The following TACC2 variants were observed in gnomAD, a reference collection of about 807,000 sequenced individuals.
The protein encoded by TACC2 is transforming acidic coiled-coil containing protein 2.
A neutral mutation model predicts 227.3 loss-of-function variants in TACC2; 137 were observed. The observed-to-expected ratio is 0.60, with a 90% CI of 0.52 to 0.69. The LOEUF is 0.69. Among genes scored for constraint, TACC2 ranks in the 30% least tolerant of loss-of-function variants. The probability of loss-of-function intolerance (pLI) is 0.00; values close to 1 mark genes in which losing one functional copy is unlikely to be tolerated. For missense variants in TACC2, 3,470 were observed against 3,694.4 expected, an observed-to-expected ratio of 0.94 and a Z score of 1.57; for synonymous variants, 1,523 against 1,487.5, an observed-to-expected ratio of 1.02 and a Z score of -0.55.
At chr10:122,077,114 CAAAA>C (rs973879242) in intron 3 of TACC2, among the ~76,000 whole-genome samples, 1 of 67,036 alleles carries the variant, frequency 1.5e-5, no homozygotes. Context: ...GACTCTGTCT[CAAAA>C]AAAAAAAAAA....
Position 122,229,427 on chromosome 10 carries a change from GA to G in TACC2, c.7979del (p.Asp2660AlafsTer7), listed in dbSNP as rs751739873. On this transcript the variant is annotated frameshift_variant, in exon 15 of 23. Coordinates refer to ENST00000369005, the MANE Select transcript of TACC2 (RefSeq NM_206862.4). LOFTEE classifies it high-confidence loss of function. ...AHPVSLCGALDYLEPDLAEKN... is the reference protein window; with the variant it reads ...AHPVSLCGALXYLEPDLAEKN... Reference sequence around the variant, plus strand: ...CCCCGTCTCTCTCTGTGGTGCACTTGACTATCTGGAGCCCGACTTAGCAGAA... The same window carrying G: ...CCCCGTCTCTCTCTGTGGTGCACTTGCTATCTGGAGCCCGACTTAGCAGAA... The G allele has an allele frequency of 6.2e-7, 1 of 1,613,964 alleles. No individual in the cohort carries two copies. Among genetic ancestry groups the G allele is most frequent in the Non-Finnish European group, 8.5e-7 (1 of 1,180,018 alleles).
chr10:122,044,571 G>C (rs1006347372), intron 2 of TACC2, among the ~76,000 whole-genome samples: 5 of 152,178 alleles, frequency 3.3e-5, no homozygotes, highest in African/African-American at 1.2e-4. Flanking sequence ...GACTTAGGCA[G>C]ACACTCTGGT....
At chr10:122,088,837 C>T in intron 5 of TACC2, 1 of 1,300,274 alleles carries the variant, frequency 7.7e-7, no homozygotes, top group Non-Finnish European at 1.0e-6. Flanking sequence ...TTTAAAAAGT[C>T]AGTCTGGGTG....
At chr10:122,163,461 AGAGG>A (rs2092947850) in intron 7 of TACC2, 2 of 593,732 alleles carry the variant, frequency 3.4e-6, no homozygotes, top group African/African-American at 4.0e-5. Flanking sequence ...GGGCCGGGGC[AGAGG>A]GAGGGTCTTC....
rs772211415 is a variant in TACC2, at chr10:122,084,163, G to A, written c.1663G>A (p.Val555Ile). Reference sequence around the variant, plus strand: ...ACCGGGGCCAACGGATGGAGCCAAGGTCCATGAAGATTCCACAAGCCCAGC... The same window carrying A: ...ACCGGGGCCAACGGATGGAGCCAAGATCCATGAAGATTCCACAAGCCCAGC... ...GPPGPTDGAK[V>I]HEDSTSPAVA... is the part of the protein sequence containing the mutation. Residue 555 changes from valine (V) to isoleucine (I), a missense_variant, in exon 4 of 23, where the codon GTC (valine) becomes ATC (isoleucine). Around this residue, in one of 10 missense-constraint regions of TACC2, gnomAD observed 1,924 missense variants for 1,978.3 expected, o/e 0.97. Coordinates refer to ENST00000369005, the MANE Select transcript of TACC2 (RefSeq NM_206862.4). The A allele has an allele frequency of 3.7e-6, 6 of 1,614,070 alleles. No individual in the cohort carries two copies. In the South Asian group the frequency reaches 6.6e-5, roughly 18 times the overall value.
At chr10:122,252,138 G>T (rs1211837533) in intron 22 of TACC2, among the ~76,000 whole-genome samples, 2 of 152,152 alleles carry the variant, frequency 1.3e-5, no homozygotes, top group Non-Finnish European at 2.9e-5. Context: ...CTTTCTAACG[G>T]GTCTGCTGAT....
intron 7 of TACC2, among the ~76,000 whole-genome samples, chr10:122,166,395 A>T (rs553819490): frequency 1.3e-5 from 2 of 152,096 alleles, no homozygotes; most frequent in Non-Finnish European, 2.9e-5. Context: ...GCTTCATTCT[A>T]TGCAGGAGTG....
intron 7 of TACC2, among the ~76,000 whole-genome samples, chr10:122,161,529 A>G (rs2092812670): frequency 6.6e-6 from 1 of 152,270 alleles, no homozygotes; most frequent in African/African-American, 2.4e-5. Context: ...AAGGTTCAGT[A>G]TGGTTAAACA....
At chr10:122,171,813 T>C (rs968266715) in intron 7 of TACC2, among the ~76,000 whole-genome samples, 6 of 152,190 alleles carry the variant, frequency 3.9e-5, no homozygotes, top group Non-Finnish European at 8.8e-5. Flanking sequence ...GATGGTTAAT[T>C]TGGGAATAAA....
chr10:122,133,953 G>A (rs1340754698), intron 6 of TACC2, among the ~76,000 whole-genome samples: 1 of 152,200 alleles, frequency 6.6e-6, no homozygotes, highest in Non-Finnish European at 1.5e-5. Context: ...GGACCTGGGG[G>A]CTGGCCCGTG....
chr10:122,111,546 G>A (rs1416577376), intron 5 of TACC2, among the ~76,000 whole-genome samples: 2 of 152,256 alleles, frequency 1.3e-5, no homozygotes, highest in Non-Finnish European at 2.9e-5. Flanking sequence ...GCTGGAGTGC[G>A]GTGGTGCAAC....
In TACC2 at chr10:122,195,099, C is replaced by T. The variant is rs140413175; in HGVS notation, c.5894C>T (p.Pro1965Leu). Residue 1965 changes from proline (P) to leucine (L), a missense_variant, in exon 8 of 23, where the codon CCG (proline) becomes CTG (leucine). This residue lies in a region of TACC2 where 593 missense variants were observed against 636.6 expected (regional missense o/e 0.93). Transcript: ENST00000369005. ...TPESTTPVKA[P>L]PAPPPPPPEV... Reference sequence around the variant, plus strand: ...GAGTCAACGACCCCTGTCAAAGCTCCGCCAGCTCCACCCCCACCACCCCCC... The same window carrying T: ...GAGTCAACGACCCCTGTCAAAGCTCTGCCAGCTCCACCCCCACCACCCCCC... 4.5e-4 allele frequency: 730 copies of T among 1,613,650 alleles called. 1 individual carries two copies. Among genetic ancestry groups the T allele is most frequent in the Non-Finnish European group, 5.8e-4 (681 of 1,179,774 alleles).
intron 1 of TACC2, among the ~76,000 whole-genome samples, chr10:122,006,055 T>C (rs1955081384): frequency 6.6e-6 from 1 of 152,228 alleles, no homozygotes; most frequent in African/African-American, 2.4e-5. Flanking sequence ...CTTGGCTGGA[T>C]ATAAAATCTT....
chr10:122,011,315 TTTTG>T (rs934410041), intron 1 of TACC2, among the ~76,000 whole-genome samples: 5 of 152,070 alleles, frequency 3.3e-5, no homozygotes, highest in Admixed American at 1.3e-4. Flanking sequence ...CTCTTATGTT[TTTTG>T]TTTGTTTGTT....
chr10:122,143,767 T>G, intron 7 of TACC2, 61 bp downstream of exon 7: 1 of 1,575,052 alleles, frequency 6.3e-7, no homozygotes, highest in Non-Finnish European at 8.7e-7. Flanking sequence ...TGGTGGTCTC[T>G]GCCCCCTAGG....
intron 5 of TACC2, among the ~76,000 whole-genome samples, chr10:122,098,522 C>T (rs1221670486): frequency 6.6e-6 from 1 of 152,198 alleles, no homozygotes; most frequent in East Asian, 1.9e-4. Flanking sequence ...TCTTTACCCT[C>T]GAGCAAGTTC....
intron 11 of TACC2, among the ~76,000 whole-genome samples, chr10:122,223,706 G>A (rs2141285907): frequency 6.6e-6 from 1 of 152,236 alleles, no homozygotes; most frequent in East Asian, 1.9e-4. Context: ...TTAGCAATAG[G>A]CAGAAATAAA....
In TACC2 at chr10:122,087,966, A is replaced by G. The variant is rs1336551673; in HGVS notation, c.5459+7A>G. 2.7e-6 allele frequency: 4 copies of G among 1,495,478 alleles called. No individual in the cohort carries two copies. The highest frequency in any genetic ancestry group is 3.6e-6 in the Non-Finnish European group (4 of 1,123,536). 92.6% of individuals were successfully genotyped at this position (1,495,478 alleles called of 1,614,324 possible). A position where few individuals can be genotyped will look rare whatever the true frequency, so the allele number is the denominator to read the frequency against. ...AAGAGCTCCACACTGACAGGTACTT[A>G]AATGAAAAAATTCCCACGGGAATGT... On this transcript the variant is annotated splice_region_variant and intron_variant, in intron 4 of 22. Coordinates refer to ENST00000369005, the MANE Select transcript of TACC2 (RefSeq NM_206862.4).
intron 5 of TACC2, among the ~76,000 whole-genome samples, chr10:122,095,592 T>A (rs1428889382): frequency 1.3e-5 from 2 of 152,188 alleles, no homozygotes; most frequent in African/African-American, 2.4e-5. Flanking sequence ...AATGGTGACA[T>A]GGCTTGGTCA....
Sources: gnomAD v4.1 joint callset for allele counts (sites outside exome capture counted in the v4.1 genomes callset) on GRCh38, gnomAD v4.1.1 for gene constraint, gnomAD v4.1.1 regional missense constraint, MANE v1.5 for transcripts, NCBI Gene and HGNC (gene_info 2026-07-23, HGNC 2026-07-21) for gene names.